TRIOBP: variants seen among roughly 807,000 people sequenced by gnomAD.
TRIOBP encodes TRIO and F-actin binding protein.
TRIOBP carries 169 observed loss-of-function variants against 238.8 expected under a neutral mutation model. The observed-to-expected ratio is 0.71, with a 90% CI of 0.62 to 0.80. TRIOBP has a LOEUF of 0.80. Ranked by LOEUF, TRIOBP falls within the 30% of genes least tolerant of loss-of-function variation. TRIOBP has a pLI of 0.00. For synonymous variants in TRIOBP, 1,150 were observed against 1,274.4 expected, an observed-to-expected ratio of 0.90 and a Z score of 2.08; for missense variants, 2,838 against 3,122.6, an observed-to-expected ratio of 0.91 and a Z score of 2.17.
Position 37,755,199 on chromosome 22 carries a change from G to A in TRIOBP, c.5577+9G>A, listed in dbSNP as rs1167872773. The A allele has an allele frequency of 6.2e-7, 1 of 1,609,140 alleles. No homozygotes were observed. Among genetic ancestry groups the A allele is most frequent in the Non-Finnish European group, 8.5e-7 (1 of 1,177,766 alleles). On this transcript the variant is annotated intron_variant, in intron 14 of 23. Transcript: ENST00000644935. The stretch of plus-strand genomic sequence containing the variant: ...ATGGCTTCCAGATCCACGTGAGGCT[G>A]TGTGCAGCTTGGGGGCTGGTGGTGG...
In TRIOBP at chr22:37,753,757, T is replaced by TA. The variant is rs371424743; in HGVS notation, c.5380-1119dup. Among the ~76,000 whole-genome samples, 128 of 152,292 alleles carry TA rather than the reference T, an allele frequency of 8.4e-4. 1 individual carries two copies. Among genetic ancestry groups the TA allele is most frequent in the African/African-American group, 2.9e-3 (120 of 41,566 alleles). ...CGTCGTTGCATGCCCCTTGAGAACT[T>TA]ACCATCTTCTTGAGGAGAGAAAACT... On this transcript the variant is annotated intron_variant, in intron 12 of 23. Coordinates refer to ENST00000644935, the MANE Select transcript of TRIOBP (RefSeq NM_001039141.3).
At chr22:37,763,165 G>T (rs1254672993) in intron 17 of TRIOBP, among the ~76,000 whole-genome samples, 1 of 152,186 alleles carries the variant, frequency 6.6e-6, no homozygotes, top group Non-Finnish European at 1.5e-5. Flanking sequence ...CCCCCACATT[G>T]CTGGGCTCCC....
intron 12 of TRIOBP, among the ~76,000 whole-genome samples, chr22:37,752,725 C>T (rs1004531224): frequency 6.6e-6 from 1 of 152,214 alleles, no homozygotes; most frequent in African/African-American, 2.4e-5. Flanking sequence ...CCGCCAGTGA[C>T]CCCTTCCTGG....
At chr22:37,744,227 C>T (rs1925104306) in intron 11 of TRIOBP, among the ~76,000 whole-genome samples, 1 of 152,044 alleles carries the variant, frequency 6.6e-6, no homozygotes, top group Non-Finnish European at 1.5e-5. Flanking sequence ...CCAGCCTAGT[C>T]TCGAACTCCT....
chr22:37,738,781 TG>T, intron 10 of TRIOBP, 62 bp downstream of exon 10: 1 of 1,543,788 alleles, frequency 6.5e-7, no homozygotes, highest in Non-Finnish European at 8.9e-7. Flanking sequence ...AGGTTGGAGA[TG>T]GGCTTCATTC....
chr22:37,726,356 G>C lies in TRIOBP; in HGVS notation c.3800G>C (p.Arg1267Pro), dbSNP rs756611611. The C allele has an allele frequency of 8.7e-6, 14 of 1,608,620 alleles. No homozygotes were observed. The highest frequency in any genetic ancestry group is 1.2e-5 in the Non-Finnish European group (14 of 1,177,944). ...PPGETRHNLEREEYTVLADLP... is the reference protein window; with the variant it reads ...PPGETRHNLEPEEYTVLADLP... ...GGGGAGACCAGGCACAACTTGGAGC[G>C]GGAGGAGTACACTGTGCTGGCCGAC... Residue 1267 changes from arginine (R) to proline (P), a missense_variant, in exon 7 of 24, where the codon CGG becomes CCG. Around this residue, in one of 5 missense-constraint regions of TRIOBP, gnomAD observed 2,096 missense variants for 2,137.4 expected, o/e 0.98. Coordinates refer to ENST00000644935, the MANE Select transcript of TRIOBP (RefSeq NM_001039141.3).
Position 37,704,659 on chromosome 22 carries a change from C to CG in TRIOBP, c.114+3180_114+3181insG, listed in dbSNP as rs575850118. 3.0e-3 allele frequency among the ~76,000 whole-genome samples: 392 copies of CG among 132,452 alleles called. 3 individuals carry two copies. Among genetic ancestry groups the CG allele is most frequent in the African/African-American group, 0.01 (375 of 36,034 alleles). 86.9% of individuals were successfully genotyped at this position (132,452 alleles called of 152,430 possible). A position where few individuals can be genotyped will look rare whatever the true frequency, so the allele number is the denominator to read the frequency against. Reference sequence around the variant, plus strand: ...GATAGGGCATTAGGGAAAGTTTCTCCAAAAAAAAAAAAATGACATTTCAGC... The same window carrying CG: ...GATAGGGCATTAGGGAAAGTTTCTCCGAAAAAAAAAAAAATGACATTTCAGC... On this transcript the variant is annotated intron_variant, in intron 3 of 23. Coordinates refer to ENST00000644935, the MANE Select transcript of TRIOBP (RefSeq NM_001039141.3).
At chr22:37,718,760 T>G (rs1419455345) in intron 6 of TRIOBP, among the ~76,000 whole-genome samples, 1 of 149,922 alleles carries the variant, frequency 6.7e-6, no homozygotes, top group Admixed American at 6.7e-5. Context: ...GATGAGGACG[T>G]GGAATGCCAT....
At chr22:37,742,388 G>A (rs558131336) in intron 11 of TRIOBP, among the ~76,000 whole-genome samples, 202 of 150,844 alleles carry the variant, frequency 1.3e-3, no homozygotes, top group African/African-American at 4.4e-3. Context: ...TCAGCCTCCC[G>A]AGTATGTGGT....
rs779368195 is a variant in TRIOBP, at chr22:37,726,457, A to G, written c.3901A>G (p.Ser1301Gly). ...AQCSSGGRTHSPGRAEVERLF... is the reference protein window; with the variant it reads ...AQCSSGGRTHGPGRAEVERLF... ...GTGCAGCAGCGGGGGCCGCACCCACAGCCCTGGCCGTGCAGAGGTGGAGCG... is the reference window on the plus strand; with the variant it reads ...GTGCAGCAGCGGGGGCCGCACCCACGGCCCTGGCCGTGCAGAGGTGGAGCG... The change falls in exon 7 of 24, where the codon AGC becomes GGC. Residue 1301 changes from serine (S) to glycine (G), a missense_variant. This residue lies in a region of TRIOBP where 2,096 missense variants were observed against 2,137.4 expected (regional missense o/e 0.98). Transcript: ENST00000644935. 4 of 1,558,446 alleles carry G rather than the reference A, an allele frequency of 2.6e-6. No homozygotes were observed. The highest frequency in any genetic ancestry group is 3.5e-6 in the Non-Finnish European group (4 of 1,157,108).
At chr22:37,701,875 C>T (rs1344918304) in intron 3 of TRIOBP, among the ~76,000 whole-genome samples, 1 of 152,154 alleles carries the variant, frequency 6.6e-6, no homozygotes, top group African/African-American at 2.4e-5. Context: ...CGCCTGTAAT[C>T]CCAGCACTTT....
At chr22:37,770,715 C>G (rs1926733076) in intron 21 of TRIOBP, among the ~76,000 whole-genome samples, 1 of 146,174 alleles carries the variant, frequency 6.8e-6, no homozygotes, top group African/African-American at 2.5e-5. Context: ...GACGGAGTCA[C>G]TCTGTCACCC....
chr22:37,753,568 C>T (rs188859355), intron 12 of TRIOBP, among the ~76,000 whole-genome samples: 5 of 152,332 alleles, frequency 3.3e-5, no homozygotes, highest in Admixed American at 6.5e-5. Flanking sequence ...CGCGAGCTAC[C>T]GCGCCCAGCT....
chr22:37,739,373 T>C (rs912084905), intron 10 of TRIOBP, among the ~76,000 whole-genome samples: 7 of 152,186 alleles, frequency 4.6e-5, no homozygotes, highest in Non-Finnish European at 1.0e-4. Context: ...TTTCCGGTCC[T>C]GCTCTTCCTC....
chr22:37,700,066 G>A (rs1007642527), intron 2 of TRIOBP, among the ~76,000 whole-genome samples: 18 of 147,348 alleles, frequency 1.2e-4, no homozygotes, highest in Non-Finnish European at 1.8e-4. Context: ...TAGTAGAGGC[G>A]GGGTTTCACC....
At position 37,775,820 on chromosome 22, in the gene TRIOBP, G is replaced by A. The variant is rs779872630; in HGVS notation, c.*2040G>A. ...AAGGGGGAGGGTGGCGCAAGGAGAG[G>A]ACACCTCTCTCCTGGCCCTGTCGCC... On this transcript the variant is annotated 3_prime_UTR_variant, in exon 24 of 24. Coordinates refer to ENST00000644935, the MANE Select transcript of TRIOBP (RefSeq NM_001039141.3). 6.6e-6 allele frequency: 1 copy of A among 152,126 alleles called. No homozygotes were observed. The highest frequency in any genetic ancestry group is 2.4e-5 in the African/African-American group (1 of 41,402). The allele number at this position is 152,126 out of a possible 1,614,324, so 9.4% of individuals were successfully genotyped here. A position where few individuals can be genotyped will look rare whatever the true frequency, so the allele number is the denominator to read the frequency against.
intron 11 of TRIOBP, among the ~76,000 whole-genome samples, chr22:37,745,292 T>C (rs948901817): frequency 2.0e-5 from 3 of 152,158 alleles, no homozygotes; most frequent in Admixed American, 2.0e-4. Flanking sequence ...GGTGCCTTAC[T>C]TGAATTAACA....
intron 11 of TRIOBP, chr22:37,746,355 C>G (rs1601648852): frequency 1.1e-5 from 13 of 1,212,748 alleles, no homozygotes; most frequent in African/African-American, 1.6e-5. Flanking sequence ...GCCGCGGAGC[C>G]CGGCCCGAGA....
At chr22:37,702,711 T>C (rs73409456) in intron 3 of TRIOBP, among the ~76,000 whole-genome samples, 7,274 of 143,510 alleles carry the variant, frequency 0.051, 202 homozygotes, top group South Asian at 0.1. Flanking sequence ...GTCCAACCTA[T>C]AGTACATGGC....
Sources: allele counts gnomAD v4.1 joint callset (sites outside exome capture counted in the v4.1 genomes callset), GRCh38; gene constraint gnomAD v4.1.1; regional missense constraint gnomAD v4.1.1; transcripts MANE v1.5; gene names NCBI Gene and HGNC (gene_info 2026-07-23, HGNC 2026-07-21).